The following SUGCT variants were observed in gnomAD, a reference collection of about 807,000 sequenced individuals.
SUGCT encodes the protein succinyl-CoA:glutarate CoA-transferase.
In SUGCT, 41 loss-of-function variants were observed where a neutral mutation model predicts 55.0. That is an observed-to-expected ratio of 0.74 (90% CI 0.58 to 0.97). The LOEUF is 0.97. Ranked by LOEUF, SUGCT falls within the 50% of genes least tolerant of loss-of-function variation. SUGCT has a pLI of 0.00. For missense variants in SUGCT, 568 were observed against 547.8 expected (o/e 1.04, Z -0.37); for synonymous variants, 187 against 200.4 (o/e 0.93, Z 0.56).
chr7:40,971,830 C>T, the SUGCT span, among the ~76,000 whole-genome samples: 4 of 152,286 alleles, frequency 2.6e-5, no homozygotes, highest in East Asian at 7.7e-4. Flanking sequence ...TCTGTATTTG[C>T]AGAGCAGTTC....
chr7:40,485,823 G>A (rs1791311097), intron 11 of SUGCT, among the ~76,000 whole-genome samples: 1 of 152,120 alleles, frequency 6.6e-6, no homozygotes, highest in Admixed American at 6.6e-5. Flanking sequence ...TATTCTGTTA[G>A]TGTGATGTAT....
chr7:40,960,538 A>G, the SUGCT span, among the ~76,000 whole-genome samples: 1 of 152,170 alleles, frequency 6.6e-6, no homozygotes, highest in Non-Finnish European at 1.5e-5. Context: ...TCAGATACCA[A>G]AATACTTTCA....
chr7:40,181,121 G>GA, intron 2 of SUGCT, 123 bp downstream of exon 2: 6 of 758,334 alleles, frequency 7.9e-6, no homozygotes, highest in African/African-American at 5.3e-5. Flanking sequence ...AAGAAAATAA[G>GA]AAAAGAAAAA....
At chr7:40,596,836 G>A (rs6974959) in intron 12 of SUGCT, among the ~76,000 whole-genome samples, 1 of 151,990 alleles carries the variant, frequency 6.6e-6, no homozygotes, top group African/African-American at 2.4e-5. Context: ...GGTAATTTTT[G>A]TACTATGCAC....
chr7:40,238,052 G>C (rs1192159185), intron 7 of SUGCT, among the ~76,000 whole-genome samples: 2 of 152,136 alleles, frequency 1.3e-5, no homozygotes, highest in Non-Finnish European at 2.9e-5. Context: ...CTTAATATAG[G>C]CACCTTTGTG....
chr7:40,449,424 C>A, intron 10 of SUGCT, 66 bp downstream of exon 10: 2 of 1,234,968 alleles, frequency 1.6e-6, no homozygotes, highest in Non-Finnish European at 2.4e-6. Flanking sequence ...CAGTTTTGCC[C>A]AGGTCACAAC....
At chr7:40,797,716 A>C (rs36078118) in intron 13 of SUGCT, among the ~76,000 whole-genome samples, 31 of 151,800 alleles carry the variant, frequency 2.0e-4, no homozygotes, top group East Asian at 3.9e-4. Context: ...AAAAGCATGA[A>C]CCCCCCCCAA....
rs780866559 is a variant in SUGCT, at chr7:40,151,519, C to T, written c.100+16399C>T. The T allele has an allele frequency of 6.8e-4, 120 of 175,498 alleles. 1 individual carries two copies. Among genetic ancestry groups the T allele is most frequent in the Non-Finnish European group, 1.7e-4 (14 of 80,544 alleles). The allele number at this position is 175,498 out of a possible 1,614,324, so 10.9% of individuals were successfully genotyped here. On this transcript the variant is annotated intron_variant, in intron 1 of 13. Transcript: ENST00000335693. ...CTATTGTATATGCCTGGCATTGGCA[C>T]GAGGATAGTATAGATATTTCCAAGA...
chr7:40,433,997 C>T lies in SUGCT; in HGVS notation c.817-15290C>T, dbSNP rs368141442. 2.0e-3 allele frequency among the ~76,000 whole-genome samples: 305 copies of T among 152,160 alleles called. 12 individuals are homozygous for T. The South Asian group carries it at 0.059, about 29-fold the overall frequency. On this transcript the variant is annotated intron_variant, in intron 9 of 13. Coordinates refer to ENST00000335693, the MANE Select transcript of SUGCT (RefSeq NM_001193313.2). ...AACTTTGGGGCGGGCATATACATAC[C>T]ACATATGTTATTATAAGTGGTTTTA...
intron 12 of SUGCT, among the ~76,000 whole-genome samples, chr7:40,555,458 G>C (rs1795509842): frequency 6.6e-6 from 1 of 152,114 alleles, no homozygotes; most frequent in South Asian, 2.1e-4. Context: ...GTGTGTATGA[G>C]TGTGATGCTG....
chr7:40,167,447 T>G (rs1398938737), intron 1 of SUGCT, among the ~76,000 whole-genome samples: 1 of 152,112 alleles, frequency 6.6e-6, no homozygotes, highest in Non-Finnish European at 1.5e-5. Flanking sequence ...TTGTTACAGG[T>G]GGGTCTTTGT....
intron 1 of SUGCT, among the ~76,000 whole-genome samples, chr7:40,137,931 C>A (rs746368560): frequency 3.9e-5 from 6 of 152,136 alleles, no homozygotes; most frequent in Non-Finnish European, 5.9e-5. Flanking sequence ...ATCCAGCCAC[C>A]TGGGCCTCTC....
chr7:40,492,414 C>G (rs1352070423), intron 11 of SUGCT, among the ~76,000 whole-genome samples: 1 of 152,164 alleles, frequency 6.6e-6, no homozygotes, highest in Non-Finnish European at 1.5e-5. Context: ...AGCCATACAT[C>G]TCTAGTCTCA....
intron 12 of SUGCT, among the ~76,000 whole-genome samples, chr7:40,667,328 A>G (rs767431478): frequency 7.2e-5 from 11 of 151,976 alleles, no homozygotes; most frequent in Admixed American, 1.3e-4. Flanking sequence ...TAACTTTTTG[A>G]TGTGCTGGAG....
At chr7:40,771,600 A>C (rs1464720857) in intron 13 of SUGCT, among the ~76,000 whole-genome samples, 3 of 152,196 alleles carry the variant, frequency 2.0e-5, no homozygotes, top group Non-Finnish European at 4.4e-5. Context: ...GGGGAATAAA[A>C]GTGTAATTAT....
intron 12 of SUGCT, among the ~76,000 whole-genome samples, chr7:40,611,659 C>G (rs560502310): frequency 6.6e-6 from 1 of 152,158 alleles, no homozygotes; most frequent in Non-Finnish European, 1.5e-5. Flanking sequence ...ATAGCTAACT[C>G]TTTTTGGGTA....
the SUGCT span, among the ~76,000 whole-genome samples, chr7:40,937,954 A>G: frequency 2.0e-5 from 3 of 152,172 alleles, no homozygotes; most frequent in African/African-American, 7.2e-5. Context: ...TCTCATAAGG[A>G]GCACACAACC....
chr7:40,668,957 G>A (rs1801790729), intron 12 of SUGCT, among the ~76,000 whole-genome samples: 2 of 152,234 alleles, frequency 1.3e-5, no homozygotes, highest in South Asian at 2.1e-4. Flanking sequence ...TTCAGAGAAG[G>A]CCAAATAAAG....
chr7:40,854,648 C>T (rs1794076068), intron 13 of SUGCT, among the ~76,000 whole-genome samples: 1 of 151,714 alleles, frequency 6.6e-6, no homozygotes, highest in Admixed American at 6.6e-5. Context: ...ACAGTATGTC[C>T]CTTGAGAAAG....
Sources: allele counts gnomAD v4.1 joint callset (sites outside exome capture counted in the v4.1 genomes callset), GRCh38; gene constraint gnomAD v4.1.1; transcripts MANE v1.5; gene names NCBI Gene and HGNC (gene_info 2026-07-23, HGNC 2026-07-21).